The following DEPTOR variants were observed in gnomAD, a reference collection of about 807,000 sequenced individuals.
The protein encoded by DEPTOR is DEP domain containing MTOR interacting protein.
Under a neutral mutation model 41.6 loss-of-function variants are expected in DEPTOR, and 41 were observed. The observed-to-expected ratio is 0.98, with a 90% CI of 0.77 to 1.28. The LOEUF (loss-of-function observed/expected upper bound fraction) is 1.28. Among genes scored for constraint, DEPTOR ranks in the 50% most tolerant of loss-of-function variants. The pLI, the probability that DEPTOR is intolerant of heterozygous loss-of-function variation, is 0.00. For missense variants in DEPTOR, 514 were observed against 527.9 expected (o/e 0.97, Z 0.26); for synonymous variants, 195 against 192.3 (o/e 1.01, Z -0.12).
intron 4 of DEPTOR, among the ~76,000 whole-genome samples, chr8:119,993,624 G>A (rs1237284573): frequency 6.6e-6 from 1 of 152,112 alleles, no homozygotes; most frequent in Non-Finnish European, 1.5e-5. Context: ...CAAATGGTAT[G>A]TATTATATTT....
intron 1 of DEPTOR, among the ~76,000 whole-genome samples, chr8:119,901,188 A>G (rs764745080): frequency 1.3e-5 from 2 of 152,144 alleles, no homozygotes; most frequent in Non-Finnish European, 2.9e-5. Context: ...TATTTATGCA[A>G]TTCTCTCATG....
chr8:119,892,864 C>A (rs13275184), intron 1 of DEPTOR, among the ~76,000 whole-genome samples: 75,342 of 151,460 alleles, frequency 0.5, 20,381 homozygotes, highest in East Asian at 0.92. Context: ...CTCACTGCAA[C>A]CTCTGTTTCC....
At chr8:119,956,316 G>A (rs1043803911) in intron 3 of DEPTOR, among the ~76,000 whole-genome samples, 1 of 152,162 alleles carries the variant, frequency 6.6e-6, no homozygotes, top group East Asian at 1.9e-4. Context: ...TGATTATAAG[G>A]GGAAGTGAAA....
Position 120,001,528 on chromosome 8 carries a change from C to G in DEPTOR, c.608C>G (p.Ser203Cys). 6.2e-7 allele frequency: 1 copy of G among 1,605,832 alleles called. No homozygotes were observed. Among genetic ancestry groups the G allele is most frequent in the Non-Finnish European group, 8.5e-7 (1 of 1,175,894 alleles). The change falls in exon 5 of 9, where the codon TCC becomes TGC. Residue 203 changes from serine (S) to cysteine (C), a missense_variant. Ser to Cys is a moderately radical substitution (Grantham distance 112, BLOSUM62 -1). Coordinates refer to ENST00000286234, the MANE Select transcript of DEPTOR (RefSeq NM_022783.4). ...TTGTTTTTTTTTTTCTCCCCAGTGT[C>G]CAACAAGCACCCATTTGTGGACAGC... is the stretch of plus-strand genomic sequence containing the variant. ...LMEHGIIQHV[S>C]NKHPFVDSNL...
intron 1 of DEPTOR, among the ~76,000 whole-genome samples, chr8:119,906,877 C>T (rs754606729): frequency 2.0e-5 from 3 of 152,104 alleles, no homozygotes; most frequent in Non-Finnish European, 2.9e-5. Context: ...AGAGCATTCG[C>T]GTTGTTCATC....
At chr8:120,023,502 C>T (rs1017953122) in intron 8 of DEPTOR, among the ~76,000 whole-genome samples, 1 of 152,238 alleles carries the variant, frequency 6.6e-6, no homozygotes, top group Middle Eastern at 3.4e-3. Context: ...ACTTCAACAT[C>T]TGAGTTTGGG....
chr8:120,045,675 G>A (rs1374276113), intron 8 of DEPTOR, among the ~76,000 whole-genome samples: 2 of 152,034 alleles, frequency 1.3e-5, no homozygotes, highest in East Asian at 1.9e-4. Flanking sequence ...GCACGTGCCC[G>A]GCCTGTTTTT....
intron 4 of DEPTOR, among the ~76,000 whole-genome samples, chr8:119,986,943 A>G (rs915403405): frequency 6.6e-6 from 1 of 151,758 alleles, no homozygotes; most frequent in Non-Finnish European, 1.5e-5. Flanking sequence ...CATTTTTTTC[A>G]AGGTTCTTAG....
intron 1 of DEPTOR, among the ~76,000 whole-genome samples, chr8:119,919,668 G>A (rs1020828783): frequency 1.3e-5 from 2 of 152,162 alleles, no homozygotes; most frequent in Non-Finnish European, 2.9e-5. Context: ...CTGGAAAGGA[G>A]GAGAGCTGTA....
At chr8:119,966,147 C>T (rs906973352) in intron 4 of DEPTOR, among the ~76,000 whole-genome samples, 5 of 152,102 alleles carry the variant, frequency 3.3e-5, no homozygotes, top group African/African-American at 9.7e-5. Flanking sequence ...ATCTGACCTA[C>T]GTTGGTTAAC....
chr8:120,042,148 G>A (rs1014088259), intron 8 of DEPTOR, among the ~76,000 whole-genome samples: 9 of 151,992 alleles, frequency 5.9e-5, no homozygotes, highest in Non-Finnish European at 1.2e-4. Flanking sequence ...CCACCAGTGG[G>A]TGGCATCTAA....
intron 1 of DEPTOR, among the ~76,000 whole-genome samples, chr8:119,900,175 C>A (rs1827567643): frequency 2.0e-5 from 3 of 151,442 alleles, no homozygotes; most frequent in Non-Finnish European, 4.4e-5. Flanking sequence ...AAAATATTAG[C>A]CAGGCGTGGT....
At chr8:120,036,477 C>T (rs912336944) in intron 8 of DEPTOR, among the ~76,000 whole-genome samples, 3 of 152,190 alleles carry the variant, frequency 2.0e-5, no homozygotes, top group Admixed American at 6.5e-5. Flanking sequence ...CACACAGTCA[C>T]TCCACAGCCA....
chr8:119,882,277 A>G (rs1175112804), intron 1 of DEPTOR, among the ~76,000 whole-genome samples: 3 of 151,998 alleles, frequency 2.0e-5, no homozygotes, highest in Non-Finnish European at 2.9e-5. Context: ...AATAAGTTAA[A>G]CCTCAAGAGA....
At chr8:119,937,518 C>T (rs1026811382) in intron 3 of DEPTOR, among the ~76,000 whole-genome samples, 3 of 152,262 alleles carry the variant, frequency 2.0e-5, no homozygotes, top group South Asian at 4.2e-4. Context: ...TTTATTTGAA[C>T]AATGTCCTAA....
chr8:119,974,497 C>T (rs1394731640), intron 4 of DEPTOR, among the ~76,000 whole-genome samples: 3 of 151,284 alleles, frequency 2.0e-5, no homozygotes, highest in South Asian at 2.1e-4. Context: ...TCAGGCCAGG[C>T]GTGGTGGCTC....
At chr8:120,016,001 A>G (rs1812606322) in intron 8 of DEPTOR, among the ~76,000 whole-genome samples, 2 of 151,706 alleles carry the variant, frequency 1.3e-5, no homozygotes, top group African/African-American at 4.8e-5. Context: ...GTATGGACCC[A>G]GTTTCTAATG....
chr8:119,971,044 C>T (rs1192651117), intron 4 of DEPTOR, among the ~76,000 whole-genome samples: 1 of 152,030 alleles, frequency 6.6e-6, no homozygotes, highest in Non-Finnish European at 1.5e-5. Flanking sequence ...TCCTGGCTAA[C>T]ACGGTGAAAC....
intron 3 of DEPTOR, among the ~76,000 whole-genome samples, chr8:119,937,496 C>G (rs151160302): frequency 2.0e-5 from 3 of 152,138 alleles, no homozygotes; most frequent in African/African-American, 7.2e-5. Flanking sequence ...TGAATGTTCC[C>G]GGCCTTCTTG....
Sources: allele counts gnomAD v4.1 joint callset (sites outside exome capture counted in the v4.1 genomes callset), GRCh38; gene constraint gnomAD v4.1.1; transcripts MANE v1.5; gene names NCBI Gene and HGNC (gene_info 2026-07-23, HGNC 2026-07-21).